Variants in VWC2L observed in about 807,000 individuals in gnomAD.
The protein encoded by VWC2L is von Willebrand factor C domain-containing protein 2-like.
A neutral mutation model predicts 21.6 loss-of-function variants in VWC2L; 10 were observed. That is an observed-to-expected ratio of 0.46 (90% CI 0.29 to 0.78). The LOEUF (loss-of-function observed/expected upper bound fraction) is 0.78, where lower values mean the gene tolerates loss of function less well. Among genes scored for constraint, VWC2L ranks in the 30% least tolerant of loss-of-function variants. The pLI is 0.10. For synonymous variants in VWC2L, 96 were observed against 94.3 expected (o/e 1.02, Z -0.10); for missense variants, 209 against 277.1 (o/e 0.75, Z 1.74).
chr2:214,462,039 C>T (rs943954903), intron 3 of VWC2L, among the ~76,000 whole-genome samples: 3 of 151,256 alleles, frequency 2.0e-5, no homozygotes, highest in Non-Finnish European at 3.0e-5. Context: ...TCTGTGTAGA[C>T]ACGGGAAAAT....
At chr2:214,423,042 TC>T (rs563464762) in intron 2 of VWC2L, among the ~76,000 whole-genome samples, 36 of 152,256 alleles carry the variant, frequency 2.4e-4, no homozygotes, top group Non-Finnish European at 3.4e-4. Context: ...ATATTACATA[TC>T]AATTTGTAAC....
chr2:214,547,101 T>C (rs1689720298), intron 3 of VWC2L, among the ~76,000 whole-genome samples: 1 of 152,166 alleles, frequency 6.6e-6, no homozygotes, highest in South Asian at 2.1e-4. Flanking sequence ...CTAGCGGCAT[T>C]TTTAAAATCA....
rs74853464 is a variant in VWC2L, at chr2:214,564,966, A to G, written c.521-10706A>G. 2.5e-3 allele frequency among the ~76,000 whole-genome samples: 374 copies of G among 152,262 alleles called. 1 individual carries two copies. The highest frequency in any genetic ancestry group is 3.8e-3 in the Non-Finnish European group (258 of 68,014). On this transcript the variant is annotated intron_variant, in intron 3 of 3. Coordinates refer to ENST00000312504, the MANE Select transcript of VWC2L (RefSeq NM_001080500.4). ...TTCTTTGTTTTCCTTCCATCCTCAT[A>G]TAATCCTATACAAATATGCACCAAA...
At chr2:214,508,052 C>G (rs1458384153) in intron 3 of VWC2L, among the ~76,000 whole-genome samples, 1 of 152,140 alleles carries the variant, frequency 6.6e-6, no homozygotes, top group Non-Finnish European at 1.5e-5. Flanking sequence ...TCTCGGCTCA[C>G]TGCAAGCTCC....
intron 2 of VWC2L, among the ~76,000 whole-genome samples, chr2:214,423,007 T>C (rs1240560058): frequency 6.6e-6 from 1 of 152,120 alleles, no homozygotes; most frequent in Non-Finnish European, 1.5e-5. Context: ...GAAGAATAAA[T>C]AGTATTGAAG....
At chr2:214,544,017 A>G (rs1449515696) in intron 3 of VWC2L, among the ~76,000 whole-genome samples, 1 of 152,222 alleles carries the variant, frequency 6.6e-6, no homozygotes, top group African/African-American at 2.4e-5. Context: ...GCTATTCTGC[A>G]ACCCTATGGG....
chr2:214,489,888 AAG>A (rs891617228), intron 3 of VWC2L, among the ~76,000 whole-genome samples: 1 of 152,176 alleles, frequency 6.6e-6, no homozygotes, highest in Non-Finnish European at 1.5e-5. Context: ...TGGATAGAAA[AAG>A]AGAGAGAATG....
intron 3 of VWC2L, among the ~76,000 whole-genome samples, chr2:214,482,164 C>A (rs998063284): frequency 2.6e-5 from 4 of 152,046 alleles, no homozygotes; most frequent in Non-Finnish European, 4.4e-5. Context: ...GTCTAAAAAC[C>A]AAATAGGAGT....
At chr2:214,457,632 T>C (rs993375466) in intron 3 of VWC2L, among the ~76,000 whole-genome samples, 4 of 152,108 alleles carry the variant, frequency 2.6e-5, no homozygotes, top group African/African-American at 9.7e-5. Context: ...ATGTTTGCTA[T>C]ATATGGGCTT....
At chr2:214,487,074 A>T (rs533368196) in intron 3 of VWC2L, among the ~76,000 whole-genome samples, 37 of 152,344 alleles carry the variant, frequency 2.4e-4, no homozygotes, top group African/African-American at 8.7e-4. Context: ...ATACAGAGAC[A>T]AATGTCTTCC....
chr2:214,567,713 A>G (rs1398227418), intron 3 of VWC2L, among the ~76,000 whole-genome samples: 2 of 152,178 alleles, frequency 1.3e-5, no homozygotes, highest in African/African-American at 4.8e-5. Flanking sequence ...TAACTCACAG[A>G]AAGATGGACT....
intron 3 of VWC2L, among the ~76,000 whole-genome samples, chr2:214,518,226 C>T (rs557564156): frequency 1.3e-5 from 2 of 152,132 alleles, no homozygotes; most frequent in African/African-American, 4.8e-5. Context: ...AGTCAAATTA[C>T]TTGTATTTAA....
At chr2:214,427,237 A>C (rs1174595011) in intron 2 of VWC2L, among the ~76,000 whole-genome samples, 5 of 152,286 alleles carry the variant, frequency 3.3e-5, no homozygotes, top group Non-Finnish European at 1.5e-5. Context: ...GTTCAGTGTA[A>C]CTTTAATTTT....
At chr2:214,491,876 A>G (rs1688749868) in intron 3 of VWC2L, among the ~76,000 whole-genome samples, 1 of 152,192 alleles carries the variant, frequency 6.6e-6, no homozygotes, top group South Asian at 2.1e-4. Flanking sequence ...TACATAGTAA[A>G]CATTCTTCTC....
At chr2:214,536,002 C>T (rs1467814733) in intron 3 of VWC2L, among the ~76,000 whole-genome samples, 1 of 152,076 alleles carries the variant, frequency 6.6e-6, no homozygotes. Context: ...TTTCCTTCCA[C>T]ATCTCTTTTT....
intron 2 of VWC2L, among the ~76,000 whole-genome samples, chr2:214,425,518 ATTTT>A (rs1702509037): frequency 6.6e-6 from 1 of 152,154 alleles, no homozygotes; most frequent in South Asian, 2.1e-4. Flanking sequence ...ATAAAGATTA[ATTTT>A]TTATCTTTTT....
At chr2:214,467,774 G>A (rs950556164) in intron 3 of VWC2L, among the ~76,000 whole-genome samples, 8 of 152,140 alleles carry the variant, frequency 5.3e-5, no homozygotes, top group Non-Finnish European at 1.0e-4. Context: ...ACTAAATGAT[G>A]GTCATTCAAT....
At chr2:214,542,537 G>C (rs1238223491) in intron 3 of VWC2L, among the ~76,000 whole-genome samples, 1 of 152,214 alleles carries the variant, frequency 6.6e-6, no homozygotes, top group Non-Finnish European at 1.5e-5. Context: ...GTTAATGCAA[G>C]ATGCAGATGC....
chr2:214,470,886 C>T (rs997618650), intron 3 of VWC2L, among the ~76,000 whole-genome samples: 2 of 137,140 alleles, frequency 1.5e-5, no homozygotes, highest in African/African-American at 5.9e-5. Flanking sequence ...CACTGCACTC[C>T]AGCCTGGGCA....
Sources: gnomAD v4.1 joint callset for allele counts (sites outside exome capture counted in the v4.1 genomes callset) on GRCh38, gnomAD v4.1.1 for gene constraint, MANE v1.5 for transcripts, NCBI Gene and HGNC (gene_info 2026-07-23, HGNC 2026-07-21) for gene names.